The following AKT3 variants were observed in gnomAD, a reference collection of about 807,000 sequenced individuals.
AKT3 encodes the protein RAC-gamma serine/threonine-protein kinase.
A neutral mutation model predicts 65.3 loss-of-function variants in AKT3; 15 were observed. That is an observed-to-expected ratio of 0.23 (90% CI 0.15 to 0.35). The LOEUF (loss-of-function observed/expected upper bound fraction) is 0.35. Ranked by LOEUF, AKT3 falls within the 10% of genes least tolerant of loss-of-function variation. The pLI is 1.00. For missense variants in AKT3, 243 were observed against 576.5 expected, an observed-to-expected ratio of 0.42 and a Z score of 5.92; for synonymous variants, 206 against 183.8, an observed-to-expected ratio of 1.12 and a Z score of -0.98.
intron 8 of AKT3, among the ~76,000 whole-genome samples, chr1:243,586,915 G>A (rs1460328029): frequency 6.6e-6 from 1 of 150,450 alleles, no homozygotes; most frequent in Non-Finnish European, 1.5e-5. Flanking sequence ...AATAATGAAG[G>A]GAAAATCCAG....
At chr1:243,557,447 C>A (rs1023264918) in intron 10 of AKT3, among the ~76,000 whole-genome samples, 3 of 151,810 alleles carry the variant, frequency 2.0e-5, no homozygotes. Context: ...GAAGTTAGGG[C>A]GAAAAATAGC....
rs1234812295 is a variant in AKT3, at chr1:243,501,874, T to G, written c.*3375A>C. Reference sequence around the variant, plus strand: ...GGATGTACAGTGTACAAAAACAGTTTCTCCTAGTTATTCCACATCCTTGTG... The same window carrying G: ...GGATGTACAGTGTACAAAAACAGTTGCTCCTAGTTATTCCACATCCTTGTG... On this transcript the variant is annotated 3_prime_UTR_variant, in exon 14 of 14. Coordinates refer to ENST00000673466, the MANE Select transcript of AKT3 (RefSeq NM_005465.7). 1 of 232,632 alleles carries G rather than the reference T, an allele frequency of 4.3e-6. No individual in the cohort carries two copies. The highest frequency in any genetic ancestry group is 2.2e-5 in the African/African-American group (1 of 45,306). The allele number at this position is 232,632 out of a possible 1,614,324, so 14.4% of individuals were successfully genotyped here.
chr1:243,496,506 G>C (rs1035010508), downstream of AKT3, among the ~76,000 whole-genome samples: 1 of 152,230 alleles, frequency 6.6e-6, no homozygotes. Context: ...GTTTTGACTT[G>C]GCCAAACAGA....
intron 2 of AKT3, among the ~76,000 whole-genome samples, chr1:243,749,847 C>T (rs1688691438): frequency 6.6e-6 from 1 of 152,124 alleles, no homozygotes; most frequent in Non-Finnish European, 1.5e-5. Context: ...TGCTATTTAC[C>T]ATCACTACTA....
intron 13 of AKT3, among the ~76,000 whole-genome samples, chr1:243,507,713 T>A (rs1669758748): frequency 6.6e-6 from 1 of 152,228 alleles, no homozygotes; most frequent in Non-Finnish European, 1.5e-5. Flanking sequence ...ACTTGCTACA[T>A]CCCTTGAATC....
intron 2 of AKT3, among the ~76,000 whole-genome samples, chr1:243,715,929 T>A (rs1055355353): frequency 1.3e-5 from 2 of 152,094 alleles, no homozygotes; most frequent in Non-Finnish European, 2.9e-5. Context: ...TTTAACAGAA[T>A]AATGATGGCT....
chr1:243,762,645 C>A (rs1438398472), intron 2 of AKT3, among the ~76,000 whole-genome samples: 2 of 152,038 alleles, frequency 1.3e-5, no homozygotes, highest in Admixed American at 6.6e-5. Flanking sequence ...ATGGTTAAAA[C>A]ATTGACCTAA....
At chr1:243,827,566 T>C (rs901545044) in intron 2 of AKT3, among the ~76,000 whole-genome samples, 11 of 152,202 alleles carry the variant, frequency 7.2e-5, no homozygotes, top group African/African-American at 2.4e-4. Flanking sequence ...AGCTCCTAAC[T>C]GTGTAAGATA....
chr1:243,618,912 T>C (rs1174450895), intron 6 of AKT3, among the ~76,000 whole-genome samples: 1 of 152,062 alleles, frequency 6.6e-6, no homozygotes, highest in East Asian at 1.9e-4. Context: ...TTTCTACCCT[T>C]AATGATCAAG....
chr1:243,681,858 T>C (rs1683942359), intron 3 of AKT3, among the ~76,000 whole-genome samples: 1 of 152,162 alleles, frequency 6.6e-6, no homozygotes, highest in South Asian at 2.1e-4. Context: ...TTCATGTTTT[T>C]CATGTGATGA....
intron 8 of AKT3, among the ~76,000 whole-genome samples, chr1:243,587,318 A>G (rs1376161243): frequency 6.6e-6 from 1 of 152,184 alleles, no homozygotes; most frequent in Non-Finnish European, 1.5e-5. Flanking sequence ...TCCTTAAAAA[A>G]TAAAAATATA....
intron 1 of AKT3, 139 bp downstream of exon 1, chr1:243,849,901 A>G: frequency 1.6e-6 from 1 of 619,256 alleles, no homozygotes; most frequent in Non-Finnish European, 2.0e-6. Flanking sequence ...CGCGGTGACA[A>G]CCCAGAAGCC....
At chr1:243,719,399 T>TTCC (rs1398010273) in intron 2 of AKT3, among the ~76,000 whole-genome samples, 2 of 152,220 alleles carry the variant, frequency 1.3e-5, no homozygotes, top group South Asian at 4.1e-4. Context: ...ACACCAAGTC[T>TTCC]TCCTCCAACT....
intron 2 of AKT3, among the ~76,000 whole-genome samples, chr1:243,731,805 C>T (rs1438573943): frequency 6.6e-6 from 1 of 152,170 alleles, no homozygotes; most frequent in Non-Finnish European, 1.5e-5. Context: ...CACTAACCCT[C>T]AGAATCTTCA....
At chr1:243,523,260 A>AACACACACACACACACACACACACAC (rs547403507) in intron 12 of AKT3, among the ~76,000 whole-genome samples, 2 of 126,402 alleles carry the variant, frequency 1.6e-5, no homozygotes, top group Non-Finnish European at 3.3e-5. Context: ...AAAAAGGACG[A>AACACACACACACACACACACACACAC]ACACACACAC....
chr1:243,693,293 T>TATATA (rs1684842926), intron 3 of AKT3, among the ~76,000 whole-genome samples: 1 of 114,852 alleles, frequency 8.7e-6, no homozygotes, highest in South Asian at 2.8e-4. Flanking sequence ...TATATATATA[T>TATATA]AACATTTCCC....
intron 2 of AKT3, among the ~76,000 whole-genome samples, chr1:243,754,711 T>C (rs1226224906): frequency 6.6e-6 from 1 of 152,154 alleles, no homozygotes; most frequent in Admixed American, 6.5e-5. Context: ...ATCTAACTAA[T>C]ACCTGATGGT....
chr1:243,811,840 C>T (rs1693180136), intron 2 of AKT3, among the ~76,000 whole-genome samples: 1 of 152,150 alleles, frequency 6.6e-6, no homozygotes, highest in Non-Finnish European at 1.5e-5. Context: ...ACCAATGGAA[C>T]AGAACAGAGC....
At chr1:243,493,467 T>C (rs972913928) in intron 13 of AKT3, among the ~76,000 whole-genome samples, 1 of 152,154 alleles carries the variant, frequency 6.6e-6, no homozygotes, top group African/African-American at 2.4e-5. Flanking sequence ...CAAGATGATT[T>C]TCTGTGTCTG....
Sources: allele counts gnomAD v4.1 joint callset (sites outside exome capture counted in the v4.1 genomes callset), GRCh38; gene constraint gnomAD v4.1.1; transcripts MANE v1.5; gene names NCBI Gene and HGNC (gene_info 2026-07-23, HGNC 2026-07-21).